Variants in PHF2 observed in about 807,000 individuals in gnomAD.
The protein encoded by PHF2 is PHD finger protein 2.
Under a neutral mutation model 120.5 loss-of-function variants are expected in PHF2, and 27 were observed. The observed-to-expected ratio is 0.22, with a 90% confidence interval of 0.17 to 0.31. The LOEUF is 0.31. PHF2 is among the 10% of genes least tolerant of loss of function. The pLI, the probability that PHF2 is intolerant of heterozygous loss-of-function variation, is 1.00. For missense variants in PHF2, 1,024 were observed against 1,434.8 expected (o/e 0.71, Z 4.63); for synonymous variants, 568 against 592.5 (o/e 0.96, Z 0.60).
At chr9:93,652,771 G>A (rs1180582299) in intron 5 of PHF2, among the ~76,000 whole-genome samples, 1 of 152,186 alleles carries the variant, frequency 6.6e-6, no homozygotes, top group Non-Finnish European at 1.5e-5. Flanking sequence ...AGCAGTGGCT[G>A]TTATCCAGGT....
chr9:93,592,562 T>C (rs1052823876), intron 1 of PHF2, among the ~76,000 whole-genome samples: 1 of 152,176 alleles, frequency 6.6e-6, no homozygotes, highest in Non-Finnish European at 1.5e-5. Context: ...CAAGACTTAA[T>C]GCTTGTGGTT....
chr9:93,647,888 C>CAAAA (rs35872422), intron 4 of PHF2, among the ~76,000 whole-genome samples: 91 of 145,668 alleles, frequency 6.2e-4, no homozygotes, highest in Middle Eastern at 3.5e-3. Flanking sequence ...GATTTCATCT[C>CAAAA]AAAAAAAAAA....
intron 1 of PHF2, among the ~76,000 whole-genome samples, chr9:93,595,331 T>G (rs968992899): frequency 4.6e-5 from 7 of 152,242 alleles, no homozygotes; most frequent in Admixed American, 2.0e-4. Flanking sequence ...GCTGTGTGAT[T>G]ATCTGTGGAT....
chr9:93,644,628 AC>A (rs1394055614), intron 3 of PHF2, among the ~76,000 whole-genome samples: 1 of 151,868 alleles, frequency 6.6e-6, no homozygotes, highest in Non-Finnish European at 1.5e-5. Flanking sequence ...GCTGCTCACA[AC>A]TGTGCCCATC....
intron 1 of PHF2, among the ~76,000 whole-genome samples, chr9:93,580,622 C>T (rs1371256434): frequency 6.6e-6 from 1 of 152,182 alleles, no homozygotes; most frequent in Non-Finnish European, 1.5e-5. Context: ...AGCTTTCTGG[C>T]CCTCTTTCAG....
chr9:93,674,674 G>T (rs1380502943), intron 18 of PHF2, among the ~76,000 whole-genome samples: 1 of 152,172 alleles, frequency 6.6e-6, no homozygotes, highest in Non-Finnish European at 1.5e-5. Flanking sequence ...AGGCTGGGCA[G>T]GTAGATGCAG....
intron 2 of PHF2, among the ~76,000 whole-genome samples, chr9:93,633,243 C>G (rs375971581): frequency 2.6e-5 from 4 of 152,174 alleles, no homozygotes; most frequent in African/African-American, 9.7e-5. Context: ...CCAATATGTC[C>G]CTTGAGCTGA....
intron 11 of PHF2, 24 bp downstream of exon 11, chr9:93,659,624 G>C (rs1350031870): frequency 1.2e-6 from 2 of 1,602,212 alleles, no homozygotes; most frequent in Non-Finnish European, 1.7e-6. Context: ...CAGGTGCTGG[G>C]CTGGACCCCT....
At chr9:93,663,451 C>T (rs557047442) in intron 13 of PHF2, 66 bp from the exon 14 acceptor site, 1 of 957,428 alleles carries the variant, frequency 1.0e-6, no homozygotes, top group Non-Finnish European at 1.6e-6. Context: ...CTCACTGACA[C>T]TAATTGGGGT....
chr9:93,586,546 A>C (rs1429061780), intron 1 of PHF2, among the ~76,000 whole-genome samples: 2 of 152,256 alleles, frequency 1.3e-5, no homozygotes, highest in Admixed American at 1.3e-4. Context: ...GCCAACGTAC[A>C]GGCCGGATGG....
At chr9:93,609,880 A>G (rs759942430) in intron 1 of PHF2, among the ~76,000 whole-genome samples, 82 of 152,120 alleles carry the variant, frequency 5.4e-4, no homozygotes, top group Non-Finnish European at 7.3e-4. Flanking sequence ...CATTTTTAGT[A>G]GAGATGGGGT....
At chr9:93,658,300 G>A (rs995807936) in intron 10 of PHF2, 64 bp downstream of exon 10, 8 of 1,229,660 alleles carry the variant, frequency 6.5e-6, no homozygotes, top group Non-Finnish European at 8.2e-6. Flanking sequence ...GACCTCCCTG[G>A]AGACCCAGCA....
intron 11 of PHF2, 143 bp downstream of exon 11, chr9:93,659,743 C>T: frequency 1.4e-6 from 1 of 727,256 alleles, no homozygotes; most frequent in Non-Finnish European, 2.3e-6. Context: ...CTTGCACTTT[C>T]CTGGGCAAGC....
At chr9:93,577,135 TGGGCTCG>T (rs1010947372) in intron 1 of PHF2, among the ~76,000 whole-genome samples, 6 of 145,758 alleles carry the variant, frequency 4.1e-5, no homozygotes, top group East Asian at 2.2e-4. Context: ...GGCCGGGAGG[TGGGCTCG>T]GGGCTCGGGG....
At position 93,666,054 on chromosome 9, in the gene PHF2, G is replaced by C; in HGVS notation, c.2181G>C (p.Ala727=). The C allele has an allele frequency of 1.2e-6, 2 of 1,612,540 alleles. No individual in the cohort carries two copies. Among genetic ancestry groups the C allele is most frequent in the Non-Finnish European group, 1.7e-6 (2 of 1,179,188 alleles). ...CGAAGCCAAAGCTGGACTCGGCAGC[G>C]TACAAGGTGAGCTGCCTTACAGGCC... ...PVTKPKLDSA[A]YKSDDSSDEG... is the part of the protein sequence containing the mutation. Residue 727 remains alanine, a synonymous_variant, in exon 16 of 22, where the codon GCG becomes GCC. Transcript: ENST00000359246.
chr9:93,665,892 G>A, intron 15 of PHF2, 28 bp downstream of exon 15: 1 of 1,612,702 alleles, frequency 6.2e-7, no homozygotes, highest in Non-Finnish European at 8.5e-7. Flanking sequence ...GTTGGGGGAG[G>A]GGTGTGGGAG....
rs762837523 is a variant in PHF2 at position 93,654,560 on chromosome 9, C to G, written c.937C>G (p.Leu313Val). The G allele has an allele frequency of 3.7e-6, 6 of 1,613,770 alleles. No individual in the cohort carries two copies. Among genetic ancestry groups the G allele is most frequent in the Non-Finnish European group, 5.1e-6 (6 of 1,179,998 alleles). Residue 313 changes from leucine (L) to valine (V), a missense_variant, in exon 7 of 22, where the codon CTC becomes GTC. Leu to Val is a conservative substitution (Grantham distance 32, BLOSUM62 1). Transcript: ENST00000359246. Reference protein sequence around the residue: ...YKCIVKQGQTLFIPSGWIYAT... With the variant: ...YKCIVKQGQTVFIPSGWIYAT... ...GTGCATCGTCAAGCAGGGCCAGACC[C>G]TCTTCATCCCCTCAGGTGAGTGCGG...
intron 1 of PHF2, among the ~76,000 whole-genome samples, chr9:93,594,030 T>G (rs1825283616): frequency 6.6e-6 from 1 of 152,206 alleles, no homozygotes; most frequent in Non-Finnish European, 1.5e-5. Flanking sequence ...TTTACAGATT[T>G]TATGGACTGT....
intron 1 of PHF2, among the ~76,000 whole-genome samples, chr9:93,605,703 T>C (rs948256888): frequency 2.6e-5 from 4 of 152,260 alleles, no homozygotes; most frequent in Non-Finnish European, 5.9e-5. Flanking sequence ...CTTAGTAATA[T>C]ACGTTTAAGA....
Sources: gnomAD v4.1 joint callset for allele counts (sites outside exome capture counted in the v4.1 genomes callset) on GRCh38, gnomAD v4.1.1 for gene constraint, MANE v1.5 for transcripts, NCBI Gene and HGNC (gene_info 2026-07-23, HGNC 2026-07-21) for gene names.